Variants in CD109 observed in about 807,000 individuals in gnomAD.
CD109 encodes the protein CD109 antigen.
In CD109, 149 loss-of-function variants were observed where a neutral mutation model predicts 165.8. The ratio of observed to expected loss-of-function variants is 0.90; its 90% CI spans 0.79 to 1.03. The LOEUF (loss-of-function observed/expected upper bound fraction) is 1.03. Ranked by LOEUF, CD109 falls within the 50% of genes least tolerant of loss-of-function variation. The probability of loss-of-function intolerance (pLI) is 0.00; values close to 1 mark genes in which losing one functional copy is unlikely to be tolerated. For missense variants in CD109, 1,712 were observed against 1,677.8 expected, an observed-to-expected ratio of 1.02 and a Z score of -0.36; for synonymous variants, 585 against 592.1, an observed-to-expected ratio of 0.99 and a Z score of 0.18.
chr6:73,714,937 A>G (rs1214209809), intron 2 of CD109, among the ~76,000 whole-genome samples: 1 of 152,214 alleles, frequency 6.6e-6, no homozygotes, highest in Non-Finnish European at 1.5e-5. Context: ...CTTTTACTAT[A>G]ATCAAAGATA....
At chr6:73,701,931 G>T (rs1253877050) in intron 2 of CD109, among the ~76,000 whole-genome samples, 1 of 151,984 alleles carries the variant, frequency 6.6e-6, no homozygotes, top group Non-Finnish European at 1.5e-5. Context: ...AAAAACAAAA[G>T]AACCCTTAAA....
At chr6:73,774,937 G>A (rs1659433747) in intron 15 of CD109, among the ~76,000 whole-genome samples, 1 of 149,542 alleles carries the variant, frequency 6.7e-6, no homozygotes, top group South Asian at 2.1e-4. Flanking sequence ...GACTGTTTTG[G>A]CTTCTTTTTT....
At position 73,826,462 on chromosome 6, in the gene CD109, A is replaced by G. The variant is rs1332463589; in HGVS notation, c.*2829A>G. 1 of 152,146 alleles carries G rather than the reference A, an allele frequency of 6.6e-6. No individual in the cohort carries two copies. Among genetic ancestry groups the G allele is most frequent in the African/African-American group, 2.4e-5 (1 of 41,428 alleles). The allele number at this position is 152,146 out of a possible 1,614,324, so 9.4% of individuals were successfully genotyped here. A position where few individuals can be genotyped will look rare whatever the true frequency, so the allele number is the denominator to read the frequency against. On this transcript the variant is annotated 3_prime_UTR_variant, in exon 33 of 33. Coordinates refer to ENST00000287097, the MANE Select transcript of CD109 (RefSeq NM_133493.5). ...TTCTGACTGGCCGATGCTTCCAGAG[A>G]CTGAATGTTGGGAAAACCTAGTAGC...
chr6:73,799,858 A>ATTTT (rs567805191), intron 23 of CD109, among the ~76,000 whole-genome samples: 1 of 142,498 alleles, frequency 7.0e-6, no homozygotes. Flanking sequence ...TCCCCCCGCA[A>ATTTT]TTTTTTTTTT....
chr6:73,735,505 T>G (rs1193901086), intron 4 of CD109, among the ~76,000 whole-genome samples: 1 of 151,896 alleles, frequency 6.6e-6, no homozygotes, highest in Non-Finnish European at 1.5e-5. Context: ...ATTAGAGATA[T>G]ATTAACCTAA....
At chr6:73,782,061 G>A (rs1182370908) in intron 17 of CD109, among the ~76,000 whole-genome samples, 1 of 152,138 alleles carries the variant, frequency 6.6e-6, no homozygotes, top group Non-Finnish European at 1.5e-5. Context: ...CATCTTGAAA[G>A]GCTTCTAGAA....
intron 24 of CD109, among the ~76,000 whole-genome samples, chr6:73,803,799 C>T (rs1056653289): frequency 6.6e-6 from 1 of 152,134 alleles, no homozygotes; most frequent in Non-Finnish European, 1.5e-5. Flanking sequence ...GATGATTAAT[C>T]TCTCTTCTTG....
intron 3 of CD109, among the ~76,000 whole-genome samples, chr6:73,728,943 C>A (rs1488902150): frequency 6.6e-6 from 1 of 152,228 alleles, no homozygotes; most frequent in African/African-American, 2.4e-5. Flanking sequence ...TATGGTTGGG[C>A]ATTTCTGATT....
intron 22 of CD109, among the ~76,000 whole-genome samples, chr6:73,789,362 G>A (rs1011907695): frequency 6.6e-6 from 1 of 152,124 alleles, no homozygotes; most frequent in African/African-American, 2.4e-5. Flanking sequence ...TGAATGCAAT[G>A]TGGAATAACT....
At chr6:73,762,602 T>C in intron 8 of CD109, 122 bp downstream of exon 8, 3 of 958,888 alleles carry the variant, frequency 3.1e-6, no homozygotes, top group Non-Finnish European at 4.7e-6. Flanking sequence ...TTTCCAGCAT[T>C]GAACAAATGA....
chr6:73,792,415 A>G (rs1320695780), intron 22 of CD109, among the ~76,000 whole-genome samples: 1 of 152,176 alleles, frequency 6.6e-6, no homozygotes, highest in Non-Finnish European at 1.5e-5. Flanking sequence ...CTTTCATCAC[A>G]TGACCTACAA....
At chr6:73,782,510 G>A in intron 17 of CD109, 104 bp from the exon 18 acceptor site, 1 of 1,111,636 alleles carries the variant, frequency 9.0e-7, no homozygotes, top group Non-Finnish European at 1.3e-6. Flanking sequence ...GGCACATTAT[G>A]TCTCTGGACA....
chr6:73,762,955 C>T, intron 9 of CD109, 73 bp downstream of exon 9: 1 of 1,318,822 alleles, frequency 7.6e-7, no homozygotes, highest in East Asian at 2.4e-5. Context: ...TTATAACTGG[C>T]ACTTTCATTT....
chr6:73,707,223 G>A (rs1771307773), intron 2 of CD109, among the ~76,000 whole-genome samples: 1 of 152,092 alleles, frequency 6.6e-6, no homozygotes, highest in South Asian at 2.1e-4. Flanking sequence ...TGGGGAGTGT[G>A]GTATGAATGC....
chr6:73,687,179 A>G, the CD109 span, among the ~76,000 whole-genome samples: 1 of 152,224 alleles, frequency 6.6e-6, no homozygotes, highest in East Asian at 1.9e-4. Flanking sequence ...AAAACTATAG[A>G]GAGAAATCCC....
chr6:73,740,933 G>T (rs1772755999), intron 5 of CD109, among the ~76,000 whole-genome samples: 1 of 151,978 alleles, frequency 6.6e-6, no homozygotes, highest in South Asian at 2.1e-4. Context: ...TAAGTGATTT[G>T]CCCAATGTCC....
chr6:73,727,817 A>G (rs1446458237), intron 3 of CD109, among the ~76,000 whole-genome samples: 1 of 152,218 alleles, frequency 6.6e-6, no homozygotes, highest in African/African-American at 2.4e-5. Flanking sequence ...TTATAAGCAT[A>G]TAATATTCTG....
intron 2 of CD109, among the ~76,000 whole-genome samples, chr6:73,702,952 G>T (rs1771135240): frequency 6.6e-6 from 1 of 152,188 alleles, no homozygotes; most frequent in African/African-American, 2.4e-5. Flanking sequence ...CACATCCCTA[G>T]GAGGGGATTG....
At chr6:73,714,143 A>G (rs772984943) in intron 2 of CD109, among the ~76,000 whole-genome samples, 48 of 152,302 alleles carry the variant, frequency 3.2e-4, no homozygotes, top group African/African-American at 1.1e-3. Context: ...TTTTATTCCA[A>G]TGTGGGACAT....
Sources: allele counts gnomAD v4.1 joint callset (sites outside exome capture counted in the v4.1 genomes callset), GRCh38; gene constraint gnomAD v4.1.1; transcripts MANE v1.5; gene names NCBI Gene and HGNC (gene_info 2026-07-23, HGNC 2026-07-21).